Variants in OR9Q1 observed in about 807,000 individuals in gnomAD.
The protein encoded by OR9Q1 is olfactory receptor family 9 subfamily Q member 1.
For synonymous variants in OR9Q1, 153 were observed against 148.6 expected, an observed-to-expected ratio of 1.03 and a Z score of -0.22; for missense variants, 374 against 378.8, an observed-to-expected ratio of 0.99 and a Z score of 0.11.
intron 2 of OR9Q1, among the ~76,000 whole-genome samples, chr11:58,081,180 G>A (rs1322097734): frequency 1.3e-5 from 2 of 152,146 alleles, no homozygotes; most frequent in African/African-American, 2.4e-5. Flanking sequence ...GTATTCCATG[G>A]TGTATATGTG....
intron 2 of OR9Q1, among the ~76,000 whole-genome samples, chr11:58,140,997 C>T (rs1224325739): frequency 6.6e-6 from 1 of 152,038 alleles, no homozygotes; most frequent in Non-Finnish European, 1.5e-5. Context: ...TGAAGAGGTC[C>T]TTCACATCCC....
chr11:58,039,054 A>T (rs1274471816), intron 1 of OR9Q1, among the ~76,000 whole-genome samples: 2 of 152,124 alleles, frequency 1.3e-5, no homozygotes, highest in East Asian at 1.9e-4. Context: ...CAGTGGCACA[A>T]TCTTGGCTCA....
chr11:58,031,055 A>C, intron 1 of OR9Q1: 3 of 1,614,050 alleles, frequency 1.9e-6, no homozygotes, highest in Non-Finnish European at 2.5e-6. Flanking sequence ...ACTCTTCCTC[A>C]CCATGTACCT....
intron 2 of OR9Q1, among the ~76,000 whole-genome samples, chr11:58,128,663 C>T (rs1432969288): frequency 6.6e-6 from 1 of 151,710 alleles, no homozygotes; most frequent in Non-Finnish European, 1.5e-5. Context: ...GTGGAAGTGC[C>T]CATCAACAAG....
intron 2 of OR9Q1, among the ~76,000 whole-genome samples, chr11:58,093,018 T>C (rs947072450): frequency 1.3e-5 from 2 of 152,112 alleles, no homozygotes; most frequent in Non-Finnish European, 1.5e-5. Flanking sequence ...TTCATGTTGA[T>C]AAAAAAATTT....
In OR9Q1 at chr11:58,179,459, C is replaced by A; in HGVS notation, c.15C>A (p.Asn5Lys). ...CCACTGGTGTCATGGCAGAGATGAA[C>A]CTCACCTTGGTGACCGAGTTCCTCC... is the stretch of plus-strand genomic sequence containing the variant. MAEM[N>K]LTLVTEFLLI... The change falls in exon 3 of 3, where the codon AAC (asparagine) becomes AAA (lysine). Residue 5 changes from asparagine (N) to lysine (K), a missense_variant. By Grantham distance (94) the Asn-to-Lys change is moderately conservative. Transcript: ENST00000335397. 4 of 1,566,840 alleles carry A rather than the reference C, an allele frequency of 2.6e-6. No individual in the cohort carries two copies. The highest frequency in any genetic ancestry group is 1.2e-5 in the South Asian group (1 of 82,128).
intron 2 of OR9Q1, among the ~76,000 whole-genome samples, chr11:58,161,528 T>C (rs1425772861): frequency 1.3e-5 from 2 of 150,620 alleles, no homozygotes; most frequent in Non-Finnish European, 2.9e-5. Context: ...CTTTTGTTTT[T>C]GTTTTGCTCA....
At chr11:58,095,719 C>G (rs1262670513) in intron 2 of OR9Q1, among the ~76,000 whole-genome samples, 1 of 152,140 alleles carries the variant, frequency 6.6e-6, no homozygotes, top group Non-Finnish European at 1.5e-5. Flanking sequence ...CACCTTGTCC[C>G]TCCCATGGCG....
chr11:58,096,001 A>C (rs1853727487), intron 2 of OR9Q1, among the ~76,000 whole-genome samples: 1 of 152,166 alleles, frequency 6.6e-6, no homozygotes, highest in Non-Finnish European at 1.5e-5. Flanking sequence ...AAAAAAAATG[A>C]AAAATTTGGG....
intron 1 of OR9Q1, among the ~76,000 whole-genome samples, chr11:58,029,836 C>T (rs1853012549): frequency 8.0e-6 from 1 of 124,808 alleles, no homozygotes; most frequent in African/African-American, 2.8e-5. Flanking sequence ...AGCCTTCCTG[C>T]CTCCTCCTTT....
rs74416926 is a variant in OR9Q1 at position 58,163,763 on chromosome 11, G to T, written c.-14-15668G>T. Among the ~76,000 whole-genome samples, 1,070 of 152,246 alleles carry T rather than the reference G, an allele frequency of 7.0e-3. 10 individuals are homozygous for T. Among genetic ancestry groups the T allele is most frequent in the African/African-American group, 0.019 (774 of 41,552 alleles). ...TAGGTAAATAGCTGGGCAGGGGGCCGTTCTCCCAGGACACAGCTGGCGAGG... is the reference window on the plus strand; with the variant it reads ...TAGGTAAATAGCTGGGCAGGGGGCCTTTCTCCCAGGACACAGCTGGCGAGG... On this transcript the variant is annotated intron_variant, in intron 2 of 2. Coordinates refer to ENST00000335397, the MANE Select transcript of OR9Q1 (RefSeq NM_001005212.4).
chr11:58,155,432 C>T (rs1007369370), intron 2 of OR9Q1, among the ~76,000 whole-genome samples: 3 of 152,162 alleles, frequency 2.0e-5, no homozygotes, highest in African/African-American at 7.2e-5. Context: ...CCTTGAAGAT[C>T]GTGTGGTTTA....
chr11:58,166,518 C>A (rs537415544), intron 2 of OR9Q1, among the ~76,000 whole-genome samples: 61 of 152,252 alleles, frequency 4.0e-4, no homozygotes, highest in African/African-American at 1.3e-3. Flanking sequence ...TTAAAGGCTG[C>A]AGATTATTCA....
chr11:58,031,497 C>G, intron 1 of OR9Q1: 1 of 1,614,170 alleles, frequency 6.2e-7, no homozygotes, highest in Admixed American at 1.7e-5. Flanking sequence ...GACCATTTCT[C>G]CTGTGATGCC....
At chr11:58,123,539 A>G (rs1854057028) in intron 2 of OR9Q1, among the ~76,000 whole-genome samples, 2 of 152,176 alleles carry the variant, frequency 1.3e-5, no homozygotes, top group African/African-American at 4.8e-5. Context: ...TTCATACATT[A>G]GCTCTAGTCC....
intron 2 of OR9Q1, chr11:58,118,422 C>T (rs1429703255): frequency 1.1e-6 from 1 of 907,406 alleles, no homozygotes; most frequent in Non-Finnish European, 1.7e-6. Context: ...GTATAGGTTG[C>T]ATATAGTAAT....
chr11:58,150,477 A>G (rs1034370773), intron 2 of OR9Q1, among the ~76,000 whole-genome samples: 3 of 152,218 alleles, frequency 2.0e-5, no homozygotes, highest in East Asian at 1.9e-4. Flanking sequence ...GTTGAGTTGC[A>G]TGAGTTCTTT....
intron 2 of OR9Q1, among the ~76,000 whole-genome samples, chr11:58,079,281 T>C (rs1459307009): frequency 6.6e-6 from 1 of 151,982 alleles, no homozygotes; most frequent in African/African-American, 2.4e-5. Flanking sequence ...GTCATTTCTC[T>C]CAATTTTAGG....
chr11:58,087,216 C>T (rs961349180), intron 2 of OR9Q1, among the ~76,000 whole-genome samples: 2 of 151,576 alleles, frequency 1.3e-5, no homozygotes, highest in African/African-American at 4.9e-5. Context: ...AAATTCATAT[C>T]TATATGAATT....
Sources: allele counts gnomAD v4.1 joint callset (sites outside exome capture counted in the v4.1 genomes callset), GRCh38; gene constraint gnomAD v4.1.1; transcripts MANE v1.5; gene names NCBI Gene and HGNC (gene_info 2026-07-23, HGNC 2026-07-21).